Variants in EYS observed in about 807,000 individuals in gnomAD.
EYS encodes the protein EGF-like photoreceptor maintenance factor, also known as protein eyes shut homolog.
EYS carries 250 observed loss-of-function variants against 282.1 expected under a neutral mutation model. The ratio of observed to expected loss-of-function variants is 0.89; its 90% CI spans 0.80 to 0.98. The LOEUF (loss-of-function observed/expected upper bound fraction) is 0.98, where lower values mean the gene tolerates loss of function less well. Ranked by LOEUF, EYS falls within the 50% of genes least tolerant of loss-of-function variation. The probability of loss-of-function intolerance (pLI) is 0.00; values close to 1 mark genes in which losing one functional copy is unlikely to be tolerated. For missense variants in EYS, 4,016 were observed against 3,709.0 expected (o/e 1.08, Z -2.15); for synonymous variants, 1,355 against 1,282.9 (o/e 1.06, Z -1.20).
intron 26 of EYS, among the ~76,000 whole-genome samples, chr6:64,450,643 T>C (rs886449418): frequency 1.3e-5 from 2 of 152,030 alleles, no homozygotes; most frequent in Admixed American, 1.3e-4. Flanking sequence ...AGAACAGAAA[T>C]GATAACAAAC....
chr6:64,947,659 T>C (rs561437136), intron 14 of EYS, among the ~76,000 whole-genome samples: 16 of 151,246 alleles, frequency 1.1e-4, no homozygotes, highest in Non-Finnish European at 1.9e-4. Context: ...TTTTCTTTTT[T>C]TTTTTTTTTG....
At chr6:64,890,816 A>T (rs967256323) in intron 18 of EYS, among the ~76,000 whole-genome samples, 2 of 152,138 alleles carry the variant, frequency 1.3e-5, no homozygotes, top group Admixed American at 6.6e-5. Context: ...ACAGACAACT[A>T]TGTGAAGAAT....
At chr6:64,034,010 A>G (rs1769994603) in intron 33 of EYS, among the ~76,000 whole-genome samples, 1 of 152,232 alleles carries the variant, frequency 6.6e-6, no homozygotes, top group Admixed American at 6.5e-5. Flanking sequence ...TTTAATTAAC[A>G]TAAATTCAAC....
intron 10 of EYS, among the ~76,000 whole-genome samples, chr6:65,337,935 T>C (rs1222956624): frequency 6.6e-6 from 1 of 151,078 alleles, no homozygotes; most frequent in Non-Finnish European, 1.5e-5. Flanking sequence ...CATATAACTA[T>C]GTGCTTTCCC....
chr6:63,961,189 G>A (rs968805209), intron 35 of EYS, among the ~76,000 whole-genome samples: 2 of 152,204 alleles, frequency 1.3e-5, no homozygotes, highest in South Asian at 4.1e-4. Flanking sequence ...AAAGATGGTG[G>A]AAGGTGTCAG....
At chr6:65,591,602 A>C (rs1036980224) in intron 2 of EYS, among the ~76,000 whole-genome samples, 13 of 151,764 alleles carry the variant, frequency 8.6e-5, no homozygotes, top group African/African-American at 2.7e-4. Context: ...ATAATGCAAA[A>C]ATTTCTTCTG....
chr6:65,091,699 G>C (rs1369848264), intron 12 of EYS, among the ~76,000 whole-genome samples: 1 of 152,074 alleles, frequency 6.6e-6, no homozygotes, highest in Non-Finnish European at 1.5e-5. Flanking sequence ...TGTGGCTTCT[G>C]TCTGGAGTAG....
At chr6:64,424,813 GA>G (rs1774350416) in intron 28 of EYS, among the ~76,000 whole-genome samples, 1 of 152,130 alleles carries the variant, frequency 6.6e-6, no homozygotes, top group South Asian at 2.1e-4. Context: ...GTCTGGTTAG[GA>G]ATATAGAAAA....
intron 5 of EYS, among the ~76,000 whole-genome samples, chr6:65,425,226 G>C (rs955774049): frequency 3.3e-5 from 5 of 152,000 alleles, no homozygotes; most frequent in African/African-American, 1.2e-4. Context: ...TAAAATACTT[G>C]AATTACAAAC....
At chr6:64,969,674 A>G (rs1056613506) in intron 14 of EYS, among the ~76,000 whole-genome samples, 1 of 152,030 alleles carries the variant, frequency 6.6e-6, no homozygotes, top group Non-Finnish European at 1.5e-5. Context: ...CAAGATAATA[A>G]CATGAAACTG....
At chr6:64,355,856 G>A (rs1390120379) in intron 29 of EYS, among the ~76,000 whole-genome samples, 2 of 151,636 alleles carry the variant, frequency 1.3e-5, no homozygotes, top group Admixed American at 1.3e-4. Flanking sequence ...CACAAGAGAT[G>A]AGCTTCAGAA....
At chr6:64,091,068 C>T (rs945739770) in intron 31 of EYS, among the ~76,000 whole-genome samples, 1 of 152,084 alleles carries the variant, frequency 6.6e-6, no homozygotes, top group Non-Finnish European at 1.5e-5. Flanking sequence ...CCTAATTACC[C>T]CATGTGATAG....
chr6:65,076,442 T>C (rs911070896), intron 12 of EYS, among the ~76,000 whole-genome samples: 1 of 152,022 alleles, frequency 6.6e-6, no homozygotes, highest in Non-Finnish European at 1.5e-5. Context: ...AGGCATCCCA[T>C]TGTTTGATAT....
At position 63,767,514 on chromosome 6, in the gene EYS, C is replaced by T. The variant is rs554964214; in HGVS notation, c.7899-4881G>A. 4.6e-5 allele frequency among the ~76,000 whole-genome samples: 7 copies of T among 151,880 alleles called. No individual in the cohort carries two copies. The East Asian group carries it at 9.7e-4, about 21-fold the overall frequency. On this transcript the variant is annotated intron_variant, in intron 40 of 42. Transcript: ENST00000503581. Reference sequence around the variant, plus strand: ...AAAAAGAATAAAGTACCTAGGAATACGGAACCAAGGAGGTGAAAGATCTTT... The same window carrying T: ...AAAAAGAATAAAGTACCTAGGAATATGGAACCAAGGAGGTGAAAGATCTTT...
rs527236068 is a variant in EYS, at chr6:64,081,870, C to G, written c.6557G>C (p.Gly2186Ala). Residue 2186 changes from glycine to alanine, a missense_variant, in exon 32 of 43, where the codon GGA becomes GCA. Transcript: ENST00000503581. ...YLTIKTNSLN[G>A]TILYSNGNNC... The stretch of plus-strand genomic sequence containing the variant: ...TTAATACTCACTGTAAAGAATAGTT[C>G]CATTTAAACTGTTTGTTTTTATAGT... The G allele has an allele frequency of 1.2e-5, 18 of 1,532,036 alleles. No individual in the cohort carries two copies. The highest frequency in any genetic ancestry group is 1.5e-5 in the Non-Finnish European group (17 of 1,133,142). 94.9% of individuals were successfully genotyped at this position (1,532,036 alleles called of 1,614,324 possible).
At chr6:64,727,610 A>C (rs1771801892) in intron 22 of EYS, among the ~76,000 whole-genome samples, 1 of 152,214 alleles carries the variant, frequency 6.6e-6, no homozygotes, top group Non-Finnish European at 1.5e-5. Context: ...GAATGAAGAT[A>C]AAAATATCAG....
At position 65,692,646 on chromosome 6, in the gene EYS, A is replaced by G. The variant is rs551232351; in HGVS notation, c.-448+14489T>C. ...TAATCATTTATAAGAATTGTTTTCC[A>G]TAAGGAACTACAAAGGGACTAAAAC... On this transcript the variant is annotated intron_variant, in intron 1 of 42. Coordinates refer to ENST00000503581, the MANE Select transcript of EYS (RefSeq NM_001142800.2). Among the ~76,000 whole-genome samples the G allele has an allele frequency of 2.8e-4, 42 of 150,212 alleles. 2 individuals carry two copies. Among genetic ancestry groups the G allele is most frequent in the Non-Finnish European group, 2.2e-4 (15 of 67,628 alleles).
At chr6:65,555,372 T>C (rs1188169587) in intron 2 of EYS, among the ~76,000 whole-genome samples, 1 of 152,144 alleles carries the variant, frequency 6.6e-6, no homozygotes, top group African/African-American at 2.4e-5. Context: ...GTTTTATTTC[T>C]TCTCTTATCT....
At chr6:65,402,142 A>C (rs573763462) in intron 7 of EYS, among the ~76,000 whole-genome samples, 2 of 151,754 alleles carry the variant, frequency 1.3e-5, no homozygotes, top group Admixed American at 6.6e-5. Flanking sequence ...GTATAACAAA[A>C]ATAATACTAT....
Sources: gnomAD v4.1 joint callset for allele counts (sites outside exome capture counted in the v4.1 genomes callset) on GRCh38, gnomAD v4.1.1 for gene constraint, MANE v1.5 for transcripts, NCBI Gene and HGNC (gene_info 2026-07-23, HGNC 2026-07-21) for gene names.